AGAP1: variants seen among roughly 807,000 people sequenced by gnomAD.
AGAP1 encodes arf-GAP with GTPase, ANK repeat and PH domain-containing protein 1.
AGAP1 carries 29 observed loss-of-function variants against 105.3 expected under a neutral mutation model. The observed-to-expected ratio is 0.28, with a 90% confidence interval of 0.21 to 0.38. The LOEUF (loss-of-function observed/expected upper bound fraction) is 0.38. Ranked by LOEUF, AGAP1 falls within the 10% of genes least tolerant of loss-of-function variation. The probability of loss-of-function intolerance (pLI) is 1.00; values close to 1 mark genes in which losing one functional copy is unlikely to be tolerated. For missense variants in AGAP1, 998 were observed against 1,165.1 expected (o/e 0.86, Z 2.09); for synonymous variants, 509 against 485.9 (o/e 1.05, Z -0.63).
At chr2:235,641,291 G>A (rs1208710039) in intron 1 of AGAP1, among the ~76,000 whole-genome samples, 3 of 121,128 alleles carry the variant, frequency 2.5e-5, no homozygotes, top group Non-Finnish European at 5.1e-5. Context: ...TCAGTACTGC[G>A]ATTCTTTCTT....
Position 236,045,495 on chromosome 2 carries a change from T to TGAGGCCCG in AGAP1, c.1892-3560_1892-3553dup, listed in dbSNP as rs1388058308. ...TAGCCTCATTTCTCTGGAGGGGAGCTGAGGCCCGGAGAGCAAGAGGCTTGC... is the reference window on the plus strand; with the variant it reads ...TAGCCTCATTTCTCTGGAGGGGAGCTGAGGCCCGGAGGCCCGGAGAGCAAGAGGCTTGC... On this transcript the variant is annotated intron_variant, in intron 15 of 17. Coordinates refer to ENST00000304032, the MANE Select transcript of AGAP1 (RefSeq NM_001037131.3). The surrounding 1 kb of genome is among the most constrained non-coding windows in gnomAD (Gnocchi z 6.9). Among the ~76,000 whole-genome samples, 7 of 152,344 alleles carry TGAGGCCCG rather than the reference T, an allele frequency of 4.6e-5. No individual in the cohort carries two copies. The East Asian group carries it at 7.7e-4, about 17-fold the overall frequency.
At chr2:235,780,903 A>G (rs960032056) in intron 6 of AGAP1, among the ~76,000 whole-genome samples, 5 of 152,194 alleles carry the variant, frequency 3.3e-5, no homozygotes, top group South Asian at 2.1e-4. Context: ...TAAGTGTGGG[A>G]AAAAAAATTA....
rs35976413 is a variant in AGAP1, at chr2:235,884,452, G to GTTTTTT, written c.1155+1015_1155+1020dup. Reference sequence around the variant, plus strand: ...CTGTTGTATTAGGTTATTTTTCACTGTTTTTTTTTTTTTTTTTGAGAGGAG... The same window carrying GTTTTTT: ...CTGTTGTATTAGGTTATTTTTCACTGTTTTTTTTTTTTTTTTTTTTTTTGAGAGGAG... On this transcript the variant is annotated intron_variant, in intron 10 of 17. Transcript: ENST00000304032. Among the ~76,000 whole-genome samples the GTTTTTT allele has an allele frequency of 1.4e-4, 17 of 124,670 alleles. 1 individual carries two copies. The highest frequency in any genetic ancestry group is 4.7e-4 in the African/African-American group (15 of 31,890). The allele number at this position is 124,670 out of a possible 152,430, so 81.8% of individuals were successfully genotyped here. A position where few individuals can be genotyped will look rare whatever the true frequency, so the allele number is the denominator to read the frequency against.
chr2:236,015,319 T>A (rs2056658569), intron 13 of AGAP1, among the ~76,000 whole-genome samples: 1 of 152,212 alleles, frequency 6.6e-6, no homozygotes, highest in Non-Finnish European at 1.5e-5. Context: ...TGTGGAAGCA[T>A]TCTCCATAAT....
At position 235,801,287 on chromosome 2, in the gene AGAP1, CAGT is replaced by C. The variant is rs1559503795; in HGVS notation, c.957+1766_957+1768del. Among the ~76,000 whole-genome samples, 1 of 152,142 alleles carries C rather than the reference CAGT, an allele frequency of 6.6e-6. No homozygotes were observed. Among genetic ancestry groups the C allele is most frequent in the Non-Finnish European group, 1.5e-5 (1 of 68,028 alleles). On this transcript the variant is annotated intron_variant, in intron 8 of 17. Transcript: ENST00000304032. The surrounding 1 kb of genome is among the most constrained non-coding windows in gnomAD (Gnocchi z 6.0). ...TGGGCTGGAAACCATAGTACTTCTGCAGTGGGGCTTCCGGGAAGACTTCCTGGA... is the reference window on the plus strand; with the variant it reads ...TGGGCTGGAAACCATAGTACTTCTGCGGGGCTTCCGGGAAGACTTCCTGGA...
At position 235,783,044 on chromosome 2, in the gene AGAP1, GTGTGTGTC is replaced by G. The variant is rs763966175; in HGVS notation, c.674-14713_674-14706del. On this transcript the variant is annotated intron_variant, in intron 6 of 17. Coordinates refer to ENST00000304032, the MANE Select transcript of AGAP1 (RefSeq NM_001037131.3). Reference sequence around the variant, plus strand: ...AGATTGTGTGTGTGTGTGTGTGTGTGTGTGTGTCTAGGTTGCAGAGTGAGGATCTGGTC... The same window carrying G: ...AGATTGTGTGTGTGTGTGTGTGTGTGTAGGTTGCAGAGTGAGGATCTGGTC... Among the ~76,000 whole-genome samples the G allele has an allele frequency of 1.2e-3, 108 of 88,726 alleles. 1 individual carries two copies. Among genetic ancestry groups the G allele is most frequent in the African/African-American group, 3.1e-3 (97 of 31,036 alleles). The allele number at this position is 88,726 out of a possible 152,430, so 58.2% of individuals were successfully genotyped here.
At position 235,769,584 on chromosome 2, in the gene AGAP1, G is replaced by A. The variant is rs938491489; in HGVS notation, c.673+19096G>A. On this transcript the variant is annotated intron_variant, in intron 6 of 17. Coordinates refer to ENST00000304032, the MANE Select transcript of AGAP1 (RefSeq NM_001037131.3). The surrounding 1 kb of genome is among the most constrained non-coding windows in gnomAD (Gnocchi z 4.4). ...TTAGTTGTTCCGTTCATGCTGTTGC[G>A]TGAGATAAGTTAGGATGCTCTTGAA... is the stretch of plus-strand genomic sequence containing the variant. Among the ~76,000 whole-genome samples, 11 of 152,182 alleles carry A rather than the reference G, an allele frequency of 7.2e-5. No individual in the cohort carries two copies. The highest frequency in any genetic ancestry group is 1.9e-4 in the East Asian group (1 of 5,194).
chr2:235,835,641 A>G (rs1442720037), intron 9 of AGAP1, among the ~76,000 whole-genome samples: 1 of 152,238 alleles, frequency 6.6e-6, no homozygotes, highest in Non-Finnish European at 1.5e-5. Flanking sequence ...CTGGCTCTCC[A>G]TGGACACTGA....
In AGAP1 at chr2:235,540,530, A is replaced by T. The variant is rs77721750; in HGVS notation, c.163+45681A>T. Among the ~76,000 whole-genome samples the T allele has an allele frequency of 5.2e-3, 791 of 152,374 alleles. 9 individuals carry two copies. Among genetic ancestry groups the T allele is most frequent in the African/African-American group, 0.017 (722 of 41,594 alleles). On this transcript the variant is annotated intron_variant, in intron 1 of 17. Coordinates refer to ENST00000304032, the MANE Select transcript of AGAP1 (RefSeq NM_001037131.3). ...TCAAAAAAGAGAAAAGGGCCTGGTT[A>T]TCAGAGATGCAAAATAAATGATGAT...
rs768314693 is a variant in AGAP1, at chr2:235,934,186, G to A, written c.1483+3263G>A. 6.6e-6 allele frequency among the ~76,000 whole-genome samples: 1 copy of A among 152,180 alleles called. No individual in the cohort carries two copies. Among genetic ancestry groups the A allele is most frequent in the Non-Finnish European group, 1.5e-5 (1 of 68,044 alleles). ...CCCTGTCTCAGTCCCACTGAATCCA[G>A]TCCTCAGGGGATGGGACCAGGCAAC... is the stretch of plus-strand genomic sequence containing the variant. On this transcript the variant is annotated intron_variant, in intron 12 of 17. Transcript: ENST00000304032. The surrounding 1 kb of genome is among the most constrained non-coding windows in gnomAD (Gnocchi z 4.9).
chr2:235,597,436 C>T (rs1945562820), intron 1 of AGAP1, among the ~76,000 whole-genome samples: 1 of 152,210 alleles, frequency 6.6e-6, no homozygotes, highest in Admixed American at 6.5e-5. Context: ...GCACCCCTTG[C>T]TTGGCCAGTC....
chr2:235,890,185 C>T (rs2050468515), intron 10 of AGAP1, among the ~76,000 whole-genome samples: 1 of 106,952 alleles, frequency 9.3e-6, no homozygotes, highest in East Asian at 3.3e-4. Context: ...TTTTTTAAGA[C>T]AGTCTTACTC....
At chr2:235,668,935 C>T (rs1362733333) in intron 1 of AGAP1, among the ~76,000 whole-genome samples, 1 of 152,100 alleles carries the variant, frequency 6.6e-6, no homozygotes, top group East Asian at 1.9e-4. Flanking sequence ...TCTGCTTGCT[C>T]TTAACCGCAG....
At chr2:235,947,758 G>A (rs2053561932) in intron 12 of AGAP1, among the ~76,000 whole-genome samples, 1 of 152,200 alleles carries the variant, frequency 6.6e-6, no homozygotes, top group Non-Finnish European at 1.5e-5. Context: ...AATTTTCCAG[G>A]TATCAGGTGG....
chr2:236,070,110 T>TGGGGGGG (rs1014488256), intron 16 of AGAP1, among the ~76,000 whole-genome samples: 22 of 152,374 alleles, frequency 1.4e-4, no homozygotes, highest in African/African-American at 4.8e-4. Flanking sequence ...GGAGTACCAC[T>TGGGGGGG]GGGGTGTGAC....
chr2:235,584,374 CAAAATAG>C (rs1255617581), intron 1 of AGAP1, among the ~76,000 whole-genome samples: 1 of 150,552 alleles, frequency 6.6e-6, no homozygotes, highest in East Asian at 1.9e-4. Context: ...ATGTGTCCCC[CAAAATAG>C]TATGTTCAAG....
Position 235,750,552 on chromosome 2 carries a change from C to T in AGAP1, c.673+64C>T, listed in dbSNP as rs867165100. On this transcript the variant is annotated intron_variant, in intron 6 of 17. Coordinates refer to ENST00000304032, the MANE Select transcript of AGAP1 (RefSeq NM_001037131.3). This position sits in a 1 kb window ranked among gnomAD's most constrained non-coding sequence, Gnocchi z 5.3. ...ATAGACGGGAGGCACTTCAAGAAGT[C>T]AGTCCTGCCTGCACTTGTGCATGTG... 5.6e-6 allele frequency: 9 copies of T among 1,606,660 alleles called. No homozygotes were observed. The African/African-American group carries it at 8.0e-5, about 14-fold the overall frequency.
rs1946294045 is a variant in AGAP1, at chr2:235,615,967, CTAAA to C, written c.164-93211_164-93208del. ...AAACAATAAGAAAAATATTTCCTAA[CTAAA>C]GGAAATGGACACAAAATTCATAAAA... On this transcript the variant is annotated intron_variant, in intron 1 of 17. Coordinates refer to ENST00000304032, the MANE Select transcript of AGAP1 (RefSeq NM_001037131.3). This position sits in a 1 kb window ranked among gnomAD's most constrained non-coding sequence, Gnocchi z 5.0. 6.6e-6 allele frequency among the ~76,000 whole-genome samples: 1 copy of C among 152,080 alleles called. No individual in the cohort carries two copies. The highest frequency in any genetic ancestry group is 6.6e-5 in the Admixed American group (1 of 15,264).
intron 6 of AGAP1, among the ~76,000 whole-genome samples, chr2:235,781,466 A>G (rs184286501): frequency 6.6e-6 from 1 of 152,364 alleles, no homozygotes; most frequent in East Asian, 1.9e-4. Flanking sequence ...TAAGATTTAT[A>G]ATAAATGCTC....
Sources: gnomAD v4.1 joint callset for allele counts (sites outside exome capture counted in the v4.1 genomes callset) on GRCh38, gnomAD v4.1.1 for gene constraint, Gnocchi (gnomAD v3.1) non-coding constraint, MANE v1.5 for transcripts, NCBI Gene and HGNC (gene_info 2026-07-23, HGNC 2026-07-21) for gene names.